ITM2B: variants seen among roughly 807,000 people sequenced by gnomAD.
ITM2B encodes the protein ABri/ADan amyloid peptide.
A neutral mutation model predicts 27.8 loss-of-function variants in ITM2B; 11 were observed. That is an observed-to-expected ratio of 0.40 (90% CI 0.25 to 0.66). The LOEUF (loss-of-function observed/expected upper bound fraction) is 0.66, where lower values mean the gene tolerates loss of function less well. Among genes scored for constraint, ITM2B ranks in the 30% least tolerant of loss-of-function variants. The pLI is 0.43. For synonymous variants in ITM2B, 114 were observed against 114.3 expected (o/e 1.00, Z 0.02); for missense variants, 296 against 328.9 (o/e 0.90, Z 0.77).
chr13:48,240,256 A>G (rs1951692209), intron 1 of ITM2B, among the ~76,000 whole-genome samples: 1 of 152,144 alleles, frequency 6.6e-6, no homozygotes, highest in Non-Finnish European at 1.5e-5. Context: ...CCCAGGCAGG[A>G]ATGCAATGGT....
chr13:48,246,814 G>T (rs1951726817), intron 1 of ITM2B, among the ~76,000 whole-genome samples: 1 of 152,078 alleles, frequency 6.6e-6, no homozygotes, highest in Admixed American at 6.6e-5. Context: ...CTAGAACATT[G>T]ATGGGAAATT....
rs1488165600 is a variant in ITM2B at position 48,262,585 on chromosome 13, TG to T, written c.*1362del. ...CTACTTTCCAGGCTCTAAAATTACATGAATTTTCAGGGAGCTGTGAACATTT... is the reference window on the plus strand; with the variant it reads ...CTACTTTCCAGGCTCTAAAATTACATAATTTTCAGGGAGCTGTGAACATTT... On this transcript the variant is annotated 3_prime_UTR_variant, in exon 6 of 6. Coordinates refer to ENST00000647800, the MANE Select transcript of ITM2B (RefSeq NM_021999.5). 6.6e-6 allele frequency: 1 copy of T among 152,096 alleles called. No homozygotes were observed. The highest frequency in any genetic ancestry group is 1.5e-5 in the Non-Finnish European group (1 of 68,034). The allele number at this position is 152,096 out of a possible 1,614,324, so 9.4% of individuals were successfully genotyped here.
chr13:48,252,666 A>G (rs551354864), intron 1 of ITM2B, among the ~76,000 whole-genome samples: 2 of 152,312 alleles, frequency 1.3e-5, no homozygotes, highest in East Asian at 3.9e-4. Flanking sequence ...TTTGTGCATC[A>G]TTCATAGTTT....
intron 1 of ITM2B, among the ~76,000 whole-genome samples, chr13:48,243,188 ATTTT>A (rs1951709070): frequency 6.6e-6 from 1 of 152,192 alleles, no homozygotes; most frequent in African/African-American, 2.4e-5. Context: ...TTCATGAGGA[ATTTT>A]AGAGGCAACT....
At chr13:48,235,664 G>A (rs1232806580) in intron 1 of ITM2B, among the ~76,000 whole-genome samples, 7 of 152,138 alleles carry the variant, frequency 4.6e-5, no homozygotes, top group Admixed American at 4.6e-4. Flanking sequence ...GCTCCTTGCG[G>A]GTGGCTCTGT....
At chr13:48,256,431 T>C (rs749561578) in intron 3 of ITM2B, 48 bp downstream of exon 3, 3 of 1,371,332 alleles carry the variant, frequency 2.2e-6, no homozygotes, top group East Asian at 2.3e-5. Context: ...TTCTGTAGTT[T>C]ATGCTTTTTG....
chr13:48,252,905 A>T (rs555218051), intron 1 of ITM2B, among the ~76,000 whole-genome samples: 1 of 152,192 alleles, frequency 6.6e-6, no homozygotes, highest in South Asian at 2.1e-4. Context: ...CAAATCAGAA[A>T]TTTGCTGTAA....
rs942475327 is a variant in ITM2B, at chr13:48,233,253, C to T, written c.-108C>T. On this transcript the variant is annotated 5_prime_UTR_variant, in exon 1 of 6. Coordinates refer to ENST00000647800, the MANE Select transcript of ITM2B (RefSeq NM_021999.5). Reference sequence around the variant, plus strand: ...GAGCTTCCCGAACCTCTTCAGCCGCCCGGAGCCGCTCCCGGAGCCCGGCCG... The same window carrying T: ...GAGCTTCCCGAACCTCTTCAGCCGCTCGGAGCCGCTCCCGGAGCCCGGCCG... 16 of 645,552 alleles carry T rather than the reference C, an allele frequency of 2.5e-5. No individual in the cohort carries two copies. Among genetic ancestry groups the T allele is most frequent in the Admixed American group, 3.8e-5 (1 of 26,598 alleles). 40.0% of individuals were successfully genotyped at this position (645,552 alleles called of 1,614,324 possible).
intron 1 of ITM2B, among the ~76,000 whole-genome samples, chr13:48,235,025 T>TATACAC (rs543054914): frequency 7.2e-5 from 11 of 152,102 alleles, no homozygotes; most frequent in South Asian, 4.1e-4. Flanking sequence ...TATATATATA[T>TATACAC]ACACACATAC....
chr13:48,234,205 A>G (rs1455672724), intron 1 of ITM2B, among the ~76,000 whole-genome samples: 1 of 152,188 alleles, frequency 6.6e-6, no homozygotes, highest in East Asian at 1.9e-4. Flanking sequence ...GAAACTAAAC[A>G]TGAGAAATTT....
Position 48,241,429 on chromosome 13 carries a change from C to G in ITM2B, c.117+7952C>G, listed in dbSNP as rs1161926400. Among the ~76,000 whole-genome samples the G allele has an allele frequency of 2.0e-5, 3 of 152,176 alleles. No homozygotes were observed. The East Asian group carries it at 5.8e-4, about 29-fold the overall frequency. ...GTTTCACCATGTTGACCAGGCTGGT[C>G]TGGAACTCCTGACCTCAAGTGGTCC... On this transcript the variant is annotated intron_variant, in intron 1 of 5. Coordinates refer to ENST00000647800, the MANE Select transcript of ITM2B (RefSeq NM_021999.5).
At chr13:48,239,639 A>T (rs1383382063) in intron 1 of ITM2B, among the ~76,000 whole-genome samples, 1 of 152,232 alleles carries the variant, frequency 6.6e-6, no homozygotes, top group East Asian at 1.9e-4. Context: ...CTCAAAAAAC[A>T]AAAGAATATT....
intron 1 of ITM2B, among the ~76,000 whole-genome samples, chr13:48,241,681 T>G (rs776194623): frequency 1.3e-5 from 2 of 152,244 alleles, no homozygotes; most frequent in Admixed American, 6.5e-5. Flanking sequence ...AGACTAACAG[T>G]AACATTGTTT....
intron 1 of ITM2B, among the ~76,000 whole-genome samples, chr13:48,235,607 G>C (rs1417341569): frequency 2.0e-5 from 3 of 152,168 alleles, no homozygotes; most frequent in African/African-American, 7.2e-5. Flanking sequence ...AAGAAGTTCT[G>C]ATCTCTTCAT....
intron 1 of ITM2B, among the ~76,000 whole-genome samples, chr13:48,236,976 G>A (rs964543889): frequency 2.0e-5 from 3 of 152,178 alleles, no homozygotes; most frequent in Admixed American, 6.5e-5. Flanking sequence ...AGTGAAGGCC[G>A]ACTCACCCAG....
chr13:48,238,344 A>T (rs1951680511), intron 1 of ITM2B, among the ~76,000 whole-genome samples: 1 of 152,192 alleles, frequency 6.6e-6, no homozygotes, highest in South Asian at 2.1e-4. Flanking sequence ...GCATTCTTTA[A>T]GCTCTTTTAT....
intron 5 of ITM2B, among the ~76,000 whole-genome samples, chr13:48,259,611 G>C (rs1951810377): frequency 6.6e-6 from 1 of 151,928 alleles, no homozygotes; most frequent in East Asian, 1.9e-4. Flanking sequence ...CCCAGTAAAA[G>C]TGCTTTCCTG....
intron 1 of ITM2B, among the ~76,000 whole-genome samples, chr13:48,245,080 C>T (rs1457178902): frequency 2.0e-5 from 3 of 152,138 alleles, no homozygotes; most frequent in African/African-American, 7.2e-5. Flanking sequence ...AATCCCAGCA[C>T]TTTGGGAGGC....
At chr13:48,239,688 G>A (rs1362722484) in intron 1 of ITM2B, among the ~76,000 whole-genome samples, 2 of 152,118 alleles carry the variant, frequency 1.3e-5, no homozygotes, top group Admixed American at 6.5e-5. Flanking sequence ...CAGTGTTGCT[G>A]GATCCTCCAA....
Sources: allele counts gnomAD v4.1 joint callset (sites outside exome capture counted in the v4.1 genomes callset), GRCh38; gene constraint gnomAD v4.1.1; transcripts MANE v1.5; gene names NCBI Gene and HGNC (gene_info 2026-07-23, HGNC 2026-07-21).